The following ABCA1 variants were observed in gnomAD, a reference collection of about 807,000 sequenced individuals.
The protein encoded by ABCA1 is ATP binding cassette subfamily A member 1, also known as phospholipid-transporting ATPase ABCA1.
A neutral mutation model predicts 262.5 loss-of-function variants in ABCA1; 133 were observed. That is an observed-to-expected ratio of 0.51 (90% CI 0.44 to 0.59). The LOEUF (loss-of-function observed/expected upper bound fraction) is 0.59, where lower values mean the gene tolerates loss of function less well. Ranked by LOEUF, ABCA1 falls within the 20% of genes least tolerant of loss-of-function variation. ABCA1 has a pLI of 0.00. For synonymous variants in ABCA1, 1,022 were observed against 1,043.5 expected (o/e 0.98, Z 0.40); for missense variants, 2,452 against 2,777.5 (o/e 0.88, Z 2.63).
At chr9:104,792,114 C>T in intron 42 of ABCA1, 116 bp from the exon 43 acceptor site, 1 of 948,208 alleles carries the variant, frequency 1.1e-6, no homozygotes, top group Non-Finnish European at 1.6e-6. Context: ...TTGTCAATAA[C>T]CCTAAGCCAT....
intron 7 of ABCA1, among the ~76,000 whole-genome samples, chr9:104,853,178 G>A (rs535771791): frequency 4.6e-4 from 70 of 152,310 alleles, no homozygotes; most frequent in African/African-American, 1.1e-3. Flanking sequence ...TGGAAGACAC[G>A]TGGACAGTGG....
chr9:104,889,349 T>C (rs1839501964), intron 2 of ABCA1, 154 bp from the exon 3 acceptor site: 1 of 984,970 alleles, frequency 1.0e-6, no homozygotes, highest in African/African-American at 1.7e-5. Context: ...CAGAACTGTT[T>C]GGAGTCCCAA....
intron 31 of ABCA1, 59 bp downstream of exon 31, chr9:104,806,182 G>A (rs1032961632): frequency 5.3e-5 from 81 of 1,537,918 alleles, no homozygotes; most frequent in African/African-American, 1.5e-4. Context: ...GCTTCCAAGC[G>A]GAAGCTACCA....
At chr9:104,809,445 T>G (rs754538173) in intron 30 of ABCA1, 21 bp downstream of exon 30, 1 of 1,612,430 alleles carries the variant, frequency 6.2e-7, no homozygotes, top group Non-Finnish European at 8.5e-7. Flanking sequence ...GAAGCCTGCT[T>G]ATGGCTAAAG....
intron 5 of ABCA1, among the ~76,000 whole-genome samples, chr9:104,869,684 G>C (rs1487981398): frequency 6.6e-6 from 1 of 152,124 alleles, no homozygotes; most frequent in Non-Finnish European, 1.5e-5. Context: ...GAGTAGGCCA[G>C]GGGTGTGTGG....
chr9:104,841,840 C>T (rs935427956), intron 8 of ABCA1, among the ~76,000 whole-genome samples: 5 of 152,232 alleles, frequency 3.3e-5, no homozygotes, highest in African/African-American at 1.2e-4. Flanking sequence ...TGTATTCCGG[C>T]ACTTTGTGGA....
At position 104,861,776 on chromosome 9, in the gene ABCA1, A is replaced by C. The variant is rs2119105512; in HGVS notation, c.446T>G (p.Val149Gly). The C allele has an allele frequency of 1.9e-6, 3 of 1,613,632 alleles. No homozygotes were observed. Among genetic ancestry groups the C allele is most frequent in the Non-Finnish European group, 2.5e-6 (3 of 1,179,776 alleles). ...GAACCCAGAGAAGGTTTCATTGTCCACCAGGAAATCTTGAAGCTTCAAGTC... is the reference window on the plus strand; with the variant it reads ...GAACCCAGAGAAGGTTTCATTGTCCCCCAGGAAATCTTGAAGCTTCAAGTC... Reference protein sequence around the residue: ...SSNLKLQDFLVDNETFSGFLY... With the variant: ...SSNLKLQDFLGDNETFSGFLY... Residue 149 changes from valine (V) to glycine (G), a missense_variant, in exon 6 of 50, where the codon GTG (valine) becomes GGG (glycine). This residue lies in a region of ABCA1 where 1,032 missense variants were observed against 1,089.7 expected (regional missense o/e 0.95). Coordinates refer to ENST00000374736, the MANE Select transcript of ABCA1 (RefSeq NM_005502.4).
intron 5 of ABCA1, among the ~76,000 whole-genome samples, chr9:104,879,717 G>A (rs544124001): frequency 2.0e-5 from 3 of 152,292 alleles, no homozygotes; most frequent in South Asian, 2.1e-4. Context: ...ACAAGGTGAC[G>A]TGAATGCCAA....
In ABCA1 at chr9:104,881,631, T is replaced by A. The variant is rs147489294; in HGVS notation, c.421+1408A>T. ...AGTCATGCAGCCACAGGGTAATGTA[T>A]GCTAGCACTTTCCTCTGCACCACGC... is the stretch of plus-strand genomic sequence containing the variant. On this transcript the variant is annotated intron_variant, in intron 5 of 49. Transcript: ENST00000374736. 4.4e-3 allele frequency among the ~76,000 whole-genome samples: 670 copies of A among 152,292 alleles called. 3 individuals are homozygous for A. The highest frequency in any genetic ancestry group is 5.4e-3 in the Non-Finnish European group (369 of 68,016).
At chr9:104,868,689 A>G (rs2119131445) in intron 5 of ABCA1, among the ~76,000 whole-genome samples, 1 of 152,290 alleles carries the variant, frequency 6.6e-6, no homozygotes, top group South Asian at 2.1e-4. Context: ...GAGCTTCTGT[A>G]AAGTGGGGCA....
rs980797879 is a variant in ABCA1 at position 104,913,751 on chromosome 9, T to C, written c.-92-9980A>G. On this transcript the variant is annotated intron_variant, in intron 1 of 49. Transcript: ENST00000374736. ...TCACAGAGGTTGCACCTATCCTCCA[T>C]AGCACACTGCCACCTCCCTACAAGT... 3.3e-5 allele frequency among the ~76,000 whole-genome samples: 5 copies of C among 152,298 alleles called. No individual in the cohort carries two copies. In the East Asian group the frequency reaches 9.7e-4, roughly 29 times the overall value.
intron 19 of ABCA1, 83 bp from the exon 20 acceptor site, chr9:104,821,589 C>A (rs1174331780): frequency 5.9e-6 from 9 of 1,528,484 alleles, no homozygotes; most frequent in Non-Finnish European, 8.1e-6. Flanking sequence ...GCAGAGAGAA[C>A]AGAACACCAA....
chr9:104,893,483 A>T (rs1839951939), intron 2 of ABCA1, among the ~76,000 whole-genome samples: 1 of 151,436 alleles, frequency 6.6e-6, no homozygotes, highest in African/African-American at 2.4e-5. Context: ...ATTAGGGGAA[A>T]AAAATGAAGC....
At chr9:104,903,859 C>G (rs1840870160) in intron 1 of ABCA1, 88 bp from the exon 2 acceptor site, 1 of 651,048 alleles carries the variant, frequency 1.5e-6, no homozygotes, top group African/African-American at 1.8e-5. Flanking sequence ...GCCCTCTCAG[C>G]TGAGACCTCC....
intron 29 of ABCA1, 137 bp from the exon 30 acceptor site, chr9:104,809,701 C>G (rs1317544117): frequency 2.4e-6 from 2 of 821,136 alleles, no homozygotes; most frequent in Non-Finnish European, 4.0e-6. Flanking sequence ...GAACAAAACA[C>G]AGAAACCACC....
At chr9:104,909,183 C>A (rs1461521137) in intron 1 of ABCA1, among the ~76,000 whole-genome samples, 1 of 152,216 alleles carries the variant, frequency 6.6e-6, no homozygotes, top group Non-Finnish European at 1.5e-5. Context: ...GCAGCCTTAA[C>A]TCTGCAAGGT....
chr9:104,845,065 T>C (rs886738260), intron 8 of ABCA1, among the ~76,000 whole-genome samples: 1 of 152,218 alleles, frequency 6.6e-6, no homozygotes, highest in African/African-American at 2.4e-5. Context: ...ACGTTATTCC[T>C]GTTAGTTAGC....
intron 5 of ABCA1, among the ~76,000 whole-genome samples, chr9:104,880,910 G>C (rs566273643): frequency 2.0e-5 from 3 of 152,268 alleles, no homozygotes; most frequent in Non-Finnish European, 4.4e-5. Flanking sequence ...CAGCACTTTG[G>C]AAGGCCTAGG....
At chr9:104,914,942 T>C (rs914880952) in intron 1 of ABCA1, among the ~76,000 whole-genome samples, 4 of 152,156 alleles carry the variant, frequency 2.6e-5, no homozygotes, top group African/African-American at 9.7e-5. Context: ...GAATCTGTGA[T>C]TGAGGCTCTA....
Sources: allele counts gnomAD v4.1 joint callset (sites outside exome capture counted in the v4.1 genomes callset), GRCh38; gene constraint gnomAD v4.1.1; regional missense constraint gnomAD v4.1.1; transcripts MANE v1.5; gene names NCBI Gene and HGNC (gene_info 2026-07-23, HGNC 2026-07-21).